Variants in RIMBP2 observed in about 807,000 individuals in gnomAD.
The protein encoded by RIMBP2 is RIMS binding protein 2, also known as RIMS-binding protein 2.
RIMBP2 carries 48 observed loss-of-function variants against 118.6 expected under a neutral mutation model. That is an observed-to-expected ratio of 0.40 (90% CI 0.32 to 0.51). RIMBP2 has a LOEUF of 0.51. Among genes scored for constraint, RIMBP2 ranks in the 20% least tolerant of loss-of-function variants. The pLI, the probability that RIMBP2 is intolerant of heterozygous loss-of-function variation, is 0.41. For missense variants in RIMBP2, 1,551 were observed against 1,768.3 expected, an observed-to-expected ratio of 0.88 and a Z score of 2.20; for synonymous variants, 762 against 742.9, an observed-to-expected ratio of 1.03 and a Z score of -0.42.
chr12:130,439,633 C>G lies in RIMBP2; in HGVS notation c.1505-1117G>C, dbSNP rs373315477. On this transcript the variant is annotated intron_variant, in intron 11 of 22. Transcript: ENST00000690449. ...TGTGTATGTGGGTGTGTGGGGGTGT[C>G]TGTGGGTGTGTGTGGGGGGGATGTG... 1.4e-3 allele frequency among the ~76,000 whole-genome samples: 63 copies of G among 44,922 alleles called. No individual in the cohort carries two copies. In the East Asian group the frequency reaches 0.026, roughly 19 times the overall value. The allele number at this position is 44,922 out of a possible 152,430, so 29.5% of individuals were successfully genotyped here. A position where few individuals can be genotyped will look rare whatever the true frequency, so the allele number is the denominator to read the frequency against.
chr12:130,607,724 A>C (rs956981356), intron 2 of RIMBP2, among the ~76,000 whole-genome samples: 7 of 152,088 alleles, frequency 4.6e-5, no homozygotes, highest in Non-Finnish European at 7.4e-5. Context: ...AATGCTCAGT[A>C]AGGGGAGCCC....
intron 2 of RIMBP2, among the ~76,000 whole-genome samples, chr12:130,584,569 TCAC>T (rs1234380407): frequency 6.6e-6 from 1 of 150,700 alleles, no homozygotes; most frequent in Non-Finnish European, 1.5e-5. Context: ...CATCACCTCA[TCAC>T]CACCATTACA....
chr12:130,488,058 G>T (rs2082630892), intron 4 of RIMBP2, among the ~76,000 whole-genome samples: 1 of 152,266 alleles, frequency 6.6e-6, no homozygotes, highest in Middle Eastern at 3.4e-3. Flanking sequence ...TTTCTAAGTG[G>T]AATTAAAGCA....
chr12:130,457,790 C>T (rs1297869056), intron 6 of RIMBP2, among the ~76,000 whole-genome samples: 2 of 152,200 alleles, frequency 1.3e-5, no homozygotes, highest in Non-Finnish European at 2.9e-5. Flanking sequence ...GCTCAAAGAG[C>T]GTTTGCTGAA....
At chr12:130,697,180 C>T (rs1223840048) in intron 1 of RIMBP2, among the ~76,000 whole-genome samples, 1 of 152,184 alleles carries the variant, frequency 6.6e-6, no homozygotes, top group Non-Finnish European at 1.5e-5. Flanking sequence ...CGGACGAAAG[C>T]CATCCTGAAC....
intron 7 of RIMBP2, among the ~76,000 whole-genome samples, chr12:130,453,643 G>A (rs1321060108): frequency 2.6e-5 from 4 of 152,220 alleles, no homozygotes; most frequent in Non-Finnish European, 4.4e-5. Flanking sequence ...AGGCCAACTC[G>A]CAGAAGCAGA....
At chr12:130,543,358 A>G (rs1329425582) in intron 2 of RIMBP2, among the ~76,000 whole-genome samples, 2 of 152,152 alleles carry the variant, frequency 1.3e-5, no homozygotes, top group African/African-American at 4.8e-5. Flanking sequence ...TCATTATCTC[A>G]TGTTCTGGGA....
At position 130,434,999 on chromosome 12, in the gene RIMBP2, T is replaced by C; in HGVS notation, c.2107-119A>G. 9.5e-7 allele frequency: 1 copy of C among 1,047,754 alleles called. No individual in the cohort carries two copies. Among genetic ancestry groups the C allele is most frequent in the Non-Finnish European group, 1.4e-6 (1 of 740,542 alleles). The allele number at this position is 1,047,754 out of a possible 1,614,324, so 64.9% of individuals were successfully genotyped here. A position where few individuals can be genotyped will look rare whatever the true frequency, so the allele number is the denominator to read the frequency against. On this transcript the variant is annotated intron_variant, in intron 13 of 22. Coordinates refer to ENST00000690449, the MANE Select transcript of RIMBP2 (RefSeq NM_001393629.1). The surrounding 1 kb of genome is among the most constrained non-coding windows in gnomAD (Gnocchi z 5.7). ...GCCTGGCCAGGCACCCCCCACACAG[T>C]GCTTTGGGCCCAGCTCTGCCGCCCT...
intron 12 of RIMBP2, among the ~76,000 whole-genome samples, chr12:130,437,690 G>A (rs910919398): frequency 5.9e-5 from 9 of 152,178 alleles, no homozygotes; most frequent in African/African-American, 2.2e-4. Context: ...GAGAGAACAG[G>A]GCTGAGGGCC....
At chr12:130,639,380 T>C (rs1348573140) in intron 1 of RIMBP2, among the ~76,000 whole-genome samples, 2 of 66,366 alleles carry the variant, frequency 3.0e-5, no homozygotes, top group African/African-American at 4.6e-5. Flanking sequence ...TAAAACTCCA[T>C]CTTAAAAAAA....
intron 2 of RIMBP2, among the ~76,000 whole-genome samples, chr12:130,607,755 C>G (rs912716924): frequency 2.0e-5 from 3 of 151,966 alleles, no homozygotes; most frequent in African/African-American, 7.3e-5. Context: ...TTCATTCCAC[C>G]AGGTTCAAGT....
At chr12:130,685,774 G>C (rs2065011100) in intron 1 of RIMBP2, among the ~76,000 whole-genome samples, 1 of 152,134 alleles carries the variant, frequency 6.6e-6, no homozygotes, top group South Asian at 2.1e-4. Flanking sequence ...CAGATGCCCT[G>C]CTCTGTTTAC....
chr12:130,486,816 G>T (rs1408507414), intron 4 of RIMBP2, among the ~76,000 whole-genome samples: 1 of 151,770 alleles, frequency 6.6e-6, no homozygotes, highest in East Asian at 1.9e-4. Flanking sequence ...CTCTCCCCTA[G>T]ACTATGGTAG....
intron 7 of RIMBP2, among the ~76,000 whole-genome samples, chr12:130,456,002 C>A (rs2079404345): frequency 6.6e-6 from 1 of 152,170 alleles, no homozygotes; most frequent in Admixed American, 6.5e-5. Flanking sequence ...TTCACCACTG[C>A]CTTTGCTAGA....
intron 2 of RIMBP2, among the ~76,000 whole-genome samples, chr12:130,572,713 T>C (rs752795012): frequency 3.3e-5 from 5 of 151,662 alleles, no homozygotes; most frequent in Non-Finnish European, 5.9e-5. Flanking sequence ...CCAGAGGCTG[T>C]GCAGGGACTC....
At chr12:130,432,056 C>T in intron 14 of RIMBP2, 1 of 335,442 alleles carries the variant, frequency 3.0e-6, no homozygotes, top group East Asian at 8.4e-5. Flanking sequence ...TAAGACAGCG[C>T]TGAATGCCGA....
intron 6 of RIMBP2, among the ~76,000 whole-genome samples, chr12:130,457,400 G>A (rs1292883414): frequency 6.6e-6 from 1 of 152,134 alleles, no homozygotes; most frequent in African/African-American, 2.4e-5. Context: ...TCCTTCCTCG[G>A]GTCAGGACAG....
At chr12:130,531,192 T>C (rs1192919449) in intron 2 of RIMBP2, among the ~76,000 whole-genome samples, 3 of 152,228 alleles carry the variant, frequency 2.0e-5, no homozygotes, top group Non-Finnish European at 2.9e-5. Context: ...ACTTGTTAAA[T>C]TGAGGTAAAA....
At chr12:130,632,428 G>T (rs4759737) in intron 1 of RIMBP2, among the ~76,000 whole-genome samples, 107,526 of 152,012 alleles carry the variant, frequency 0.71, 38,611 homozygotes, top group Middle Eastern at 0.79. Context: ...AGAAAAAATT[G>T]GGGGGTGGGG....
Sources: gnomAD v4.1 joint callset for allele counts (sites outside exome capture counted in the v4.1 genomes callset) on GRCh38, gnomAD v4.1.1 for gene constraint, Gnocchi (gnomAD v3.1) non-coding constraint, MANE v1.5 for transcripts, NCBI Gene and HGNC (gene_info 2026-07-23, HGNC 2026-07-21) for gene names.